Variants in ARL15 observed in about 807,000 individuals in gnomAD.
ARL15 encodes the protein ARF like GTPase 15.
ARL15 carries 19 observed loss-of-function variants against 25.2 expected under a neutral mutation model. The observed-to-expected ratio is 0.75, with a 90% CI of 0.53 to 1.10. The LOEUF (loss-of-function observed/expected upper bound fraction) is 1.10, where lower values mean the gene tolerates loss of function less well. Ranked by LOEUF, ARL15 falls within the 50% of genes least tolerant of loss-of-function variation. The probability of loss-of-function intolerance (pLI) is 0.00; values close to 1 mark genes in which losing one functional copy is unlikely to be tolerated. For synonymous variants in ARL15, 94 were observed against 86.8 expected (o/e 1.08, Z -0.46); for missense variants, 220 against 246.0 (o/e 0.89, Z 0.71).
chr5:54,164,946 C>T (rs1259732516), intron 2 of ARL15, among the ~76,000 whole-genome samples: 2 of 151,770 alleles, frequency 1.3e-5, no homozygotes, highest in Non-Finnish European at 2.9e-5. Flanking sequence ...CCCTTTTCTT[C>T]TTTTTCTGCC....
chr5:54,214,515 A>G (rs1029183923), intron 1 of ARL15, among the ~76,000 whole-genome samples: 2 of 152,040 alleles, frequency 1.3e-5, no homozygotes, highest in Admixed American at 6.6e-5. Flanking sequence ...ACCATTTGTC[A>G]TTTGCACCAA....
At chr5:54,199,707 T>A (rs1225395981) in intron 1 of ARL15, among the ~76,000 whole-genome samples, 1 of 151,152 alleles carries the variant, frequency 6.6e-6, no homozygotes, top group African/African-American at 2.4e-5. Context: ...GACTGTAAAC[T>A]AGTTCAACCA....
intron 4 of ARL15, among the ~76,000 whole-genome samples, chr5:54,054,745 G>A (rs1042366548): frequency 3.3e-5 from 5 of 152,138 alleles, no homozygotes; most frequent in South Asian, 2.1e-4. Context: ...AGCCAAGATC[G>A]CGCCACTGCA....
intron 3 of ARL15, among the ~76,000 whole-genome samples, chr5:54,151,167 A>T (rs1437470911): frequency 6.6e-6 from 1 of 152,176 alleles, no homozygotes; most frequent in African/African-American, 2.4e-5. Context: ...GGCAAAACAG[A>T]AGAAGAAAAT....
intron 3 of ARL15, among the ~76,000 whole-genome samples, chr5:54,120,869 A>C (rs1227982764): frequency 2.0e-5 from 3 of 152,206 alleles, no homozygotes; most frequent in African/African-American, 7.2e-5. Flanking sequence ...GGATGAAATA[A>C]GATCTTTTAA....
chr5:54,080,502 C>A (rs954381869), intron 4 of ARL15, among the ~76,000 whole-genome samples: 6 of 151,974 alleles, frequency 3.9e-5, no homozygotes, highest in Non-Finnish European at 7.4e-5. Flanking sequence ...GTATCATGTT[C>A]TCATCATCCC....
At chr5:54,179,426 C>T (rs556906774) in intron 1 of ARL15, among the ~76,000 whole-genome samples, 4 of 152,128 alleles carry the variant, frequency 2.6e-5, no homozygotes, top group Admixed American at 6.5e-5. Context: ...CAAAGGAAGG[C>T]GAAGATACAA....
At chr5:54,139,105 T>A (rs566249719) in intron 3 of ARL15, among the ~76,000 whole-genome samples, 60 of 152,254 alleles carry the variant, frequency 3.9e-4, no homozygotes, top group Admixed American at 3.5e-3. Context: ...AACAGTATGG[T>A]GATTTCTCAA....
intron 4 of ARL15, among the ~76,000 whole-genome samples, chr5:54,013,931 G>A (rs1749324507): frequency 1.3e-5 from 2 of 152,124 alleles, no homozygotes; most frequent in South Asian, 4.1e-4. Context: ...CCTTCCACTA[G>A]GCTGCCTTGC....
intron 1 of ARL15, among the ~76,000 whole-genome samples, chr5:54,239,607 C>G (rs556643643): frequency 6.6e-6 from 1 of 152,230 alleles, no homozygotes; most frequent in South Asian, 2.1e-4. Context: ...TAAGTGTGAC[C>G]ATATGTCTAT....
intron 4 of ARL15, among the ~76,000 whole-genome samples, chr5:53,986,207 A>G (rs540796195): frequency 1.3e-5 from 2 of 152,260 alleles, no homozygotes; most frequent in Admixed American, 1.3e-4. Context: ...GTTTCTGCCT[A>G]TGTTCTGTCA....
At chr5:53,907,519 G>A (rs1210000224) in intron 4 of ARL15, among the ~76,000 whole-genome samples, 2 of 36,232 alleles carry the variant, frequency 5.5e-5, no homozygotes, top group Non-Finnish European at 1.0e-4. Context: ...TTTTTTTGAG[G>A]CGGACTCTTA....
At chr5:54,241,852 T>A (rs1214267728) in intron 1 of ARL15, among the ~76,000 whole-genome samples, 1 of 152,218 alleles carries the variant, frequency 6.6e-6, no homozygotes, top group Non-Finnish European at 1.5e-5. Flanking sequence ...GGGGGCTCTG[T>A]CATCCACTGA....
chr5:53,972,158 G>GA (rs1176984591), intron 4 of ARL15, among the ~76,000 whole-genome samples: 9 of 151,976 alleles, frequency 5.9e-5, no homozygotes, highest in Admixed American at 1.3e-4. Flanking sequence ...AGAGTTAAAA[G>GA]AAAAAAGTGG....
At chr5:54,063,360 G>T (rs1215333198) in intron 4 of ARL15, among the ~76,000 whole-genome samples, 1 of 152,190 alleles carries the variant, frequency 6.6e-6, no homozygotes, top group East Asian at 1.9e-4. Flanking sequence ...AGAAACCAAT[G>T]AACTTCTTTA....
chr5:54,300,127 T>C (rs1758578379), intron 1 of ARL15, among the ~76,000 whole-genome samples: 1 of 152,126 alleles, frequency 6.6e-6, no homozygotes, highest in African/African-American at 2.4e-5. Flanking sequence ...TCAACCTTCC[T>C]CCCACCAAGA....
At chr5:53,981,658 G>A (rs1198246006) in intron 4 of ARL15, among the ~76,000 whole-genome samples, 3 of 152,186 alleles carry the variant, frequency 2.0e-5, no homozygotes, top group Non-Finnish European at 4.4e-5. Flanking sequence ...GACTTTGGGA[G>A]GCTGAGGCAG....
intron 4 of ARL15, among the ~76,000 whole-genome samples, chr5:53,935,773 A>T (rs982892403): frequency 6.6e-6 from 1 of 152,126 alleles, no homozygotes; most frequent in African/African-American, 2.4e-5. Context: ...TTTTTGTTTG[A>T]GACTCAGTCT....
intron 4 of ARL15, among the ~76,000 whole-genome samples, chr5:53,962,473 T>A (rs1437286684): frequency 1.3e-5 from 2 of 152,148 alleles, no homozygotes; most frequent in African/African-American, 4.8e-5. Context: ...CAGCTCCAAT[T>A]ATCAATAATT....
Sources: allele counts gnomAD v4.1 joint callset (sites outside exome capture counted in the v4.1 genomes callset), GRCh38; gene constraint gnomAD v4.1.1; transcripts MANE v1.5; gene names NCBI Gene and HGNC (gene_info 2026-07-23, HGNC 2026-07-21).